GFRAL: variants seen among roughly 807,000 people sequenced by gnomAD.
GFRAL encodes GDNF family receptor alpha-like.
GFRAL carries 36 observed loss-of-function variants against 45.4 expected under a neutral mutation model. The ratio of observed to expected loss-of-function variants is 0.79; its 90% CI spans 0.61 to 1.05. GFRAL has a LOEUF of 1.05. GFRAL is among the 50% of genes least tolerant of loss of function. The pLI, the probability that GFRAL is intolerant of heterozygous loss-of-function variation, is 0.00. For synonymous variants in GFRAL, 166 were observed against 154.1 expected, an observed-to-expected ratio of 1.08 and a Z score of -0.57; for missense variants, 507 against 467.5, an observed-to-expected ratio of 1.08 and a Z score of -0.78.
chr6:55,388,434 G>A (rs1453572529), intron 6 of GFRAL, among the ~76,000 whole-genome samples: 2 of 152,172 alleles, frequency 1.3e-5, no homozygotes, highest in Non-Finnish European at 2.9e-5. Context: ...GATGTTTTGA[G>A]TTTCCAGGCC....
intron 6 of GFRAL, among the ~76,000 whole-genome samples, chr6:55,370,622 A>G (rs1768437721): frequency 6.6e-6 from 1 of 152,194 alleles, no homozygotes; most frequent in Non-Finnish European, 1.5e-5. Flanking sequence ...GCAGTTCTCA[A>G]TCTTTGCTAA....
intron 5 of GFRAL, among the ~76,000 whole-genome samples, chr6:55,357,987 A>T (rs1002636091): frequency 6.6e-6 from 1 of 151,834 alleles, no homozygotes; most frequent in South Asian, 2.1e-4. Flanking sequence ...TAATAATTAC[A>T]TGTTCAGAAA....
At chr6:55,384,285 A>C (rs1224200814) in intron 6 of GFRAL, among the ~76,000 whole-genome samples, 1 of 151,254 alleles carries the variant, frequency 6.6e-6, no homozygotes, top group Non-Finnish European at 1.5e-5. Flanking sequence ...AAAACTCAAG[A>C]ACTTCCATTT....
chr6:55,333,715 G>C, intron 2 of GFRAL, 71 bp from the exon 3 acceptor site: 2 of 949,190 alleles, frequency 2.1e-6, no homozygotes, highest in South Asian at 6.0e-5. Flanking sequence ...TATGTTAAAA[G>C]TACTTTGGGG....
intron 6 of GFRAL, among the ~76,000 whole-genome samples, chr6:55,395,104 G>GTGT (rs1025315274): frequency 4.7e-5 from 7 of 149,178 alleles, no homozygotes; most frequent in African/African-American, 9.9e-5. Context: ...CTCCAAAAGA[G>GTGT]TGTTCTCTTT....
At chr6:55,353,482 T>C (rs908117915) in intron 5 of GFRAL, among the ~76,000 whole-genome samples, 1 of 152,020 alleles carries the variant, frequency 6.6e-6, no homozygotes, top group Non-Finnish European at 1.5e-5. Context: ...CGTCAACTTA[T>C]AGGATATCAA....
At chr6:55,328,354 T>C (rs1301409087) in intron 1 of GFRAL, among the ~76,000 whole-genome samples, 1 of 151,940 alleles carries the variant, frequency 6.6e-6, no homozygotes, top group Non-Finnish European at 1.5e-5. Context: ...TTTAAAAATA[T>C]GGCATTTTAT....
At chr6:55,361,930 C>T (rs1241744126) in intron 6 of GFRAL, among the ~76,000 whole-genome samples, 1 of 151,944 alleles carries the variant, frequency 6.6e-6, no homozygotes, top group African/African-American at 2.4e-5. Flanking sequence ...TAATTAAATG[C>T]ATTGTTTCTC....
intron 6 of GFRAL, among the ~76,000 whole-genome samples, chr6:55,393,924 G>A (rs1014635847): frequency 3.3e-5 from 5 of 152,286 alleles, no homozygotes; most frequent in African/African-American, 9.6e-5. Context: ...CAGGAAAAAA[G>A]TTGAGATTAC....
chr6:55,388,389 C>T (rs114312576), intron 6 of GFRAL, among the ~76,000 whole-genome samples: 13 of 152,256 alleles, frequency 8.5e-5, no homozygotes, highest in African/African-American at 3.1e-4. Flanking sequence ...CACTGCTGTG[C>T]GTCACTGGTG....
intron 6 of GFRAL, among the ~76,000 whole-genome samples, chr6:55,394,365 A>G (rs1768794187): frequency 6.6e-6 from 1 of 152,132 alleles, no homozygotes; most frequent in African/African-American, 2.4e-5. Context: ...ACTGAATCTT[A>G]TTAAAGGGAA....
chr6:55,398,037 T>G (rs1249316795), intron 6 of GFRAL, among the ~76,000 whole-genome samples: 1 of 152,216 alleles, frequency 6.6e-6, no homozygotes, highest in African/African-American at 2.4e-5. Context: ...CCTAGGCATG[T>G]GGTAGGCTAT....
chr6:55,331,609 A>T (rs2127349481), intron 1 of GFRAL, 106 bp from the exon 2 acceptor site: 2 of 939,692 alleles, frequency 2.1e-6, no homozygotes, highest in African/African-American at 1.7e-5. Context: ...TTATTTCACT[A>T]CATGTTATTT....
At chr6:55,370,440 G>C (rs1352365826) in intron 6 of GFRAL, among the ~76,000 whole-genome samples, 2 of 151,990 alleles carry the variant, frequency 1.3e-5, no homozygotes, top group Admixed American at 1.3e-4. Context: ...TTGTGATGTA[G>C]AACTAGTGAC....
chr6:55,366,083 G>C (rs932405274), intron 6 of GFRAL, among the ~76,000 whole-genome samples: 1 of 151,770 alleles, frequency 6.6e-6, no homozygotes, highest in African/African-American at 2.4e-5. Context: ...ACTCTTTTTG[G>C]TTGGTAAGCT....
At chr6:55,360,527 G>A (rs1232558740) in intron 6 of GFRAL, among the ~76,000 whole-genome samples, 1 of 151,898 alleles carries the variant, frequency 6.6e-6, no homozygotes, top group Admixed American at 6.6e-5. Flanking sequence ...GTGATTTGTT[G>A]TATATTATGT....
At chr6:55,356,977 A>T (rs1019702387) in intron 5 of GFRAL, among the ~76,000 whole-genome samples, 2 of 151,806 alleles carry the variant, frequency 1.3e-5, no homozygotes, top group Non-Finnish European at 2.9e-5. Context: ...CATATTGTTT[A>T]ATTTCCATGT....
chr6:55,400,379 C>A (rs1028516367), intron 8 of GFRAL, among the ~76,000 whole-genome samples: 2 of 152,022 alleles, frequency 1.3e-5, no homozygotes, highest in South Asian at 4.2e-4. Flanking sequence ...ACATCTGACA[C>A]CTAGAAAGAT....
chr6:55,351,104 A>G, intron 4 of GFRAL, 149 bp from the exon 5 acceptor site: 1 of 618,548 alleles, frequency 1.6e-6, no homozygotes, highest in Non-Finnish European at 2.9e-6. Context: ...GTAAATTCAT[A>G]CTTACTCTAA....
Sources: allele counts gnomAD v4.1 joint callset (sites outside exome capture counted in the v4.1 genomes callset), GRCh38; gene constraint gnomAD v4.1.1; transcripts MANE v1.5; gene names NCBI Gene and HGNC (gene_info 2026-07-23, HGNC 2026-07-21).